CTNNA3: variants seen among roughly 807,000 people sequenced by gnomAD.
CTNNA3 encodes the protein catenin alpha-3.
CTNNA3 carries 76 observed loss-of-function variants against 95.7 expected under a neutral mutation model. That is an observed-to-expected ratio of 0.79 (90% CI 0.66 to 0.96). The LOEUF (loss-of-function observed/expected upper bound fraction) is 0.96. Among genes scored for constraint, CTNNA3 ranks in the 40% least tolerant of loss-of-function variants. The probability of loss-of-function intolerance (pLI) is 0.00; values close to 1 mark genes in which losing one functional copy is unlikely to be tolerated. For synonymous variants in CTNNA3, 431 were observed against 374.4 expected (o/e 1.15, Z -1.74); for missense variants, 1,191 against 1,089.8 (o/e 1.09, Z -1.31).
intron 11 of CTNNA3, among the ~76,000 whole-genome samples, chr10:66,512,987 C>T (rs1840715025): frequency 6.6e-6 from 1 of 151,874 alleles, no homozygotes; most frequent in Non-Finnish European, 1.5e-5. Flanking sequence ...TCATAGAAGA[C>T]CTTTTTGGAT....
intron 5 of CTNNA3, among the ~76,000 whole-genome samples, chr10:67,309,508 C>G (rs1268969912): frequency 1.3e-5 from 2 of 151,894 alleles, no homozygotes; most frequent in African/African-American, 4.8e-5. Flanking sequence ...AGAAGAGGCA[C>G]AAAGAGAGAA....
At chr10:65,988,612 T>C in intron 16 of CTNNA3, 80 bp downstream of exon 16, 1 of 1,134,684 alleles carries the variant, frequency 8.8e-7, no homozygotes, top group Non-Finnish European at 1.3e-6. Flanking sequence ...AGTAAAAATT[T>C]AACTTTGCCT....
intron 7 of CTNNA3, among the ~76,000 whole-genome samples, chr10:67,108,722 G>A (rs1187822075): frequency 6.6e-6 from 1 of 152,134 alleles, no homozygotes; most frequent in Non-Finnish European, 1.5e-5. Context: ...TCCACATCCA[G>A]ATCCTAACTA....
intron 5 of CTNNA3, among the ~76,000 whole-genome samples, chr10:67,430,476 C>A (rs1177823860): frequency 3.3e-5 from 5 of 151,720 alleles, no homozygotes; most frequent in Non-Finnish European, 2.9e-5. Context: ...AACTTCTACT[C>A]CAAAGGGCAA....
intron 3 of CTNNA3, among the ~76,000 whole-genome samples, chr10:67,600,378 T>G (rs1843049756): frequency 6.6e-6 from 1 of 152,100 alleles, no homozygotes; most frequent in African/African-American, 2.4e-5. Flanking sequence ...AATTTGGAAT[T>G]TATTTAAATT....
intron 5 of CTNNA3, among the ~76,000 whole-genome samples, chr10:67,340,769 A>G (rs910549593): frequency 6.6e-6 from 1 of 152,254 alleles, no homozygotes; most frequent in Non-Finnish European, 1.5e-5. Context: ...TAAAATAAGT[A>G]GCTTTTTATA....
At chr10:67,240,257 T>G (rs1388326097) in intron 5 of CTNNA3, among the ~76,000 whole-genome samples, 1 of 152,214 alleles carries the variant, frequency 6.6e-6, no homozygotes, top group African/African-American at 2.4e-5. Context: ...CCATTATGGG[T>G]TGGCTTCTGT....
intron 11 of CTNNA3, among the ~76,000 whole-genome samples, chr10:66,406,128 T>A (rs1452264125): frequency 2.0e-5 from 3 of 152,152 alleles, no homozygotes; most frequent in East Asian, 1.9e-4. Flanking sequence ...AAAAAAGGGA[T>A]CTGAGAACTA....
intron 15 of CTNNA3, among the ~76,000 whole-genome samples, chr10:66,001,605 T>G (rs1385278214): frequency 6.6e-6 from 1 of 152,166 alleles, no homozygotes; most frequent in South Asian, 2.1e-4. Context: ...ATTTGTCACA[T>G]GGTAAGGAAT....
intron 9 of CTNNA3, among the ~76,000 whole-genome samples, chr10:66,645,907 T>C (rs1589062959): frequency 6.6e-6 from 1 of 152,210 alleles, no homozygotes; most frequent in East Asian, 1.9e-4. Flanking sequence ...TTCTGTTCCA[T>C]TGATCTATGT....
At chr10:66,596,703 C>G (rs963828246) in intron 10 of CTNNA3, among the ~76,000 whole-genome samples, 2 of 152,016 alleles carry the variant, frequency 1.3e-5, no homozygotes, top group Admixed American at 1.3e-4. Flanking sequence ...TAATATCAGA[C>G]AGTAAACACT....
intron 6 of CTNNA3, among the ~76,000 whole-genome samples, chr10:67,183,398 A>T (rs1258109266): frequency 1.3e-5 from 2 of 152,172 alleles, no homozygotes; most frequent in Non-Finnish European, 2.9e-5. Context: ...AGGGACATGG[A>T]TGAAGCTGGA....
chr10:67,189,109 C>G (rs773770771), intron 6 of CTNNA3, among the ~76,000 whole-genome samples: 1 of 150,156 alleles, frequency 6.7e-6, no homozygotes, highest in African/African-American at 2.5e-5. Context: ...AGAGCGAGAC[C>G]CTGTCAAACA....
chr10:66,613,916 G>T (rs928927836), intron 10 of CTNNA3, among the ~76,000 whole-genome samples: 1 of 152,010 alleles, frequency 6.6e-6, no homozygotes, highest in Admixed American at 6.6e-5. Context: ...AACAGTAGAT[G>T]AAAGAGAATA....
intron 7 of CTNNA3, among the ~76,000 whole-genome samples, chr10:67,043,131 CTTTCTTTTTTT>C (rs1854509701): frequency 1.7e-5 from 1 of 60,236 alleles, no homozygotes; most frequent in South Asian, 6.6e-4. Flanking sequence ...GGCTCACTTT[CTTTCTTTTTTT>C]TTTTTTTTTT....
intron 10 of CTNNA3, among the ~76,000 whole-genome samples, chr10:66,553,201 G>C (rs1842274306): frequency 6.6e-6 from 1 of 151,634 alleles, no homozygotes; most frequent in South Asian, 2.1e-4. Context: ...TAAGTAGTAT[G>C]GTTTTTATCT....
intron 11 of CTNNA3, 42 bp downstream of exon 11, chr10:66,520,575 T>G (rs766440573): frequency 6.4e-7 from 1 of 1,552,602 alleles, no homozygotes; most frequent in Non-Finnish European, 8.8e-7. Context: ...TTTTATAAAA[T>G]TGACAAGAGA....
chr10:67,303,738 G>C (rs941295785), intron 5 of CTNNA3, among the ~76,000 whole-genome samples: 3 of 152,126 alleles, frequency 2.0e-5, no homozygotes, highest in Admixed American at 1.3e-4. Context: ...GTCAGGGATT[G>C]TTACTATTAT....
chr10:65,952,509 G>A (rs570980231), intron 17 of CTNNA3, among the ~76,000 whole-genome samples: 51 of 147,936 alleles, frequency 3.4e-4, no homozygotes, highest in African/African-American at 1.0e-3. Context: ...ACTTCTTCCC[G>A]TCTTTCTTTC....
Sources: gnomAD v4.1 joint callset for allele counts (sites outside exome capture counted in the v4.1 genomes callset) on GRCh38, gnomAD v4.1.1 for gene constraint, MANE v1.5 for transcripts, NCBI Gene and HGNC (gene_info 2026-07-23, HGNC 2026-07-21) for gene names.